CELSR3: variants seen among roughly 807,000 people sequenced by gnomAD.
CELSR3 encodes EGF-like protein 1.
Under a neutral mutation model 270.0 loss-of-function variants are expected in CELSR3, and 73 were observed. That is an observed-to-expected ratio of 0.27 (90% CI 0.22 to 0.33). The LOEUF (loss-of-function observed/expected upper bound fraction) is 0.33. Ranked by LOEUF, CELSR3 falls within the 10% of genes least tolerant of loss-of-function variation. CELSR3 has a pLI of 1.00. For synonymous variants in CELSR3, 1,780 were observed against 1,905.4 expected (o/e 0.93, Z 1.71); for missense variants, 3,614 against 4,533.8 (o/e 0.80, Z 5.83).
rs777659257 is a variant in CELSR3 at position 48,654,487 on chromosome 3, G to A, written c.4989-35C>T. Reference sequence around the variant, plus strand: ...AGGGGTCTGGGTCATTGGTGGGACTGGGGCCAGAGTAGAGTTGCTCCTGGG... The same window carrying A: ...AGGGGTCTGGGTCATTGGTGGGACTAGGGCCAGAGTAGAGTTGCTCCTGGG... On this transcript the variant is annotated intron_variant, in intron 6 of 34. Coordinates refer to ENST00000164024, the MANE Select transcript of CELSR3 (RefSeq NM_001407.3). This position sits in a 1 kb window ranked among gnomAD's most constrained non-coding sequence, Gnocchi z 5.4. The A allele has an allele frequency of 6.5e-7, 1 of 1,539,800 alleles. No individual in the cohort carries two copies. Among genetic ancestry groups the A allele is most frequent in the Non-Finnish European group, 8.8e-7 (1 of 1,140,322 alleles).
chr3:48,654,250 C>A lies in CELSR3; in HGVS notation c.5152+39G>T, dbSNP rs773268755. 1 of 1,612,352 alleles carries A rather than the reference C, an allele frequency of 6.2e-7. No homozygotes were observed. Among genetic ancestry groups the A allele is most frequent in the South Asian group, 1.1e-5 (1 of 90,806 alleles). On this transcript the variant is annotated intron_variant, in intron 7 of 34. Transcript: ENST00000164024. The surrounding 1 kb of genome is among the most constrained non-coding windows in gnomAD (Gnocchi z 5.4). ...CTCCACTTCCTCCCTATGATGGGGACAGGGCCATGGGCTAGGCTGGTGGAA... is the reference window on the plus strand; with the variant it reads ...CTCCACTTCCTCCCTATGATGGGGAAAGGGCCATGGGCTAGGCTGGTGGAA...
In CELSR3 at chr3:48,655,862, T is replaced by C. The variant is rs777128886; in HGVS notation, c.4626-11A>G. On this transcript the variant is annotated splice_polypyrimidine_tract_variant and intron_variant, in intron 3 of 34. Coordinates refer to ENST00000164024, the MANE Select transcript of CELSR3 (RefSeq NM_001407.3). This position sits in a 1 kb window ranked among gnomAD's most constrained non-coding sequence, Gnocchi z 5.8. ...TGCACTGTCGCGAACCTGGGCGGGG[T>C]GGGAGGGGGTTGCGGGGGTGGGAGC... The C allele has an allele frequency of 1.1e-4, 23 of 212,776 alleles. 1 individual carries two copies. Among genetic ancestry groups the C allele is most frequent in the Middle Eastern group, 1.0e-3 (1 of 988 alleles). 13.2% of individuals were successfully genotyped at this position (212,776 alleles called of 1,614,324 possible).
At chr3:48,638,629 C>CA (rs2046994638) in intron 34 of CELSR3, among the ~76,000 whole-genome samples, 1 of 152,098 alleles carries the variant, frequency 6.6e-6, no homozygotes, top group South Asian at 2.1e-4. Flanking sequence ...TAAGGTAAGA[C>CA]ACAGAGCTCA....
In CELSR3 at chr3:48,652,906, G is replaced by C; in HGVS notation, c.5634+96C>G. 9.9e-7 allele frequency: 1 copy of C among 1,008,954 alleles called. No homozygotes were observed. The allele number at this position is 1,008,954 out of a possible 1,614,324, so 62.5% of individuals were successfully genotyped here. On this transcript the variant is annotated intron_variant, in intron 10 of 34. Coordinates refer to ENST00000164024, the MANE Select transcript of CELSR3 (RefSeq NM_001407.3). This position sits in a 1 kb window ranked among gnomAD's most constrained non-coding sequence, Gnocchi z 4.3. ...GTAGAACATCAGACTCAGTGCAGTG[G>C]AGGGAACTGAGAGGAGCTGGACTAG...
chr3:48,638,271 G>A (rs201502823), intron 34 of CELSR3, 39 bp from the exon 35 acceptor site: 165 of 1,566,868 alleles, frequency 1.1e-4, no homozygotes, highest in Middle Eastern at 3.4e-4. Context: ...GATGCCCAGA[G>A]GACTCCGAGT....
rs745622224 is a variant in CELSR3, at chr3:48,642,477, C to A, written c.8556-10G>T. The A allele has an allele frequency of 6.2e-7, 1 of 1,610,390 alleles. No homozygotes were observed. The highest frequency in any genetic ancestry group is 1.1e-5 in the South Asian group (1 of 90,704). On this transcript the variant is annotated splice_polypyrimidine_tract_variant and intron_variant, in intron 30 of 34. Coordinates refer to ENST00000164024, the MANE Select transcript of CELSR3 (RefSeq NM_001407.3). The surrounding 1 kb of genome is among the most constrained non-coding windows in gnomAD (Gnocchi z 6.1). ...AACCAGGACATTGTCCCTGGAAAAG[C>A]AGGAGCCCCCCCACCATGAAAGAGG...
At position 48,654,269 on chromosome 3, in the gene CELSR3, G is replaced by GGTGGAAGCTT; in HGVS notation, c.5152+10_5152+19dup. ...TGGGGACAGGGCCATGGGCTAGGCT[G>GGTGGAAGCTT]GTGGAAGCTTCAGGCCTACCTGCCA... is the stretch of plus-strand genomic sequence containing the variant. On this transcript the variant is annotated intron_variant, in intron 7 of 34. Coordinates refer to ENST00000164024, the MANE Select transcript of CELSR3 (RefSeq NM_001407.3). The surrounding 1 kb of genome is among the most constrained non-coding windows in gnomAD (Gnocchi z 5.4). The GGTGGAAGCTT allele has an allele frequency of 6.2e-7, 1 of 1,613,482 alleles. No individual in the cohort carries two copies. The highest frequency in any genetic ancestry group is 8.5e-7 in the Non-Finnish European group (1 of 1,179,970).
At position 48,652,934 on chromosome 3, in the gene CELSR3, G is replaced by A. The variant is rs1192501557; in HGVS notation, c.5634+68C>T. On this transcript the variant is annotated intron_variant, in intron 10 of 34. Coordinates refer to ENST00000164024, the MANE Select transcript of CELSR3 (RefSeq NM_001407.3). This position sits in a 1 kb window ranked among gnomAD's most constrained non-coding sequence, Gnocchi z 4.3. ...GGAACTGAGAGGAGCTGGACTAGAG[G>A]TGGGGTCAAATAAGGCGGATCTGGT... 5 of 1,314,030 alleles carry A rather than the reference G, an allele frequency of 3.8e-6. No homozygotes were observed. The highest frequency in any genetic ancestry group is 1.4e-5 in the African/African-American group (1 of 69,070). 81.4% of individuals were successfully genotyped at this position (1,314,030 alleles called of 1,614,324 possible).
In CELSR3 at chr3:48,644,156, C is replaced by T; in HGVS notation, c.8165+60G>A. 6.6e-7 allele frequency: 1 copy of T among 1,512,444 alleles called. No individual in the cohort carries two copies. The highest frequency in any genetic ancestry group is 1.2e-5 in the South Asian group (1 of 86,924). The allele number at this position is 1,512,444 out of a possible 1,614,324, so 93.7% of individuals were successfully genotyped here. On this transcript the variant is annotated intron_variant, in intron 27 of 34. Transcript: ENST00000164024. This position sits in a 1 kb window ranked among gnomAD's most constrained non-coding sequence, Gnocchi z 4.8. Reference sequence around the variant, plus strand: ...CCAGGGAAGATCTGGGGGCCCCAGACCCCACCCAGGAGGGACCTGCCATCC... The same window carrying T: ...CCAGGGAAGATCTGGGGGCCCCAGATCCCACCCAGGAGGGACCTGCCATCC...
Position 48,639,580 on chromosome 3 carries a change from C to T in CELSR3, c.9911+94G>A. The T allele has an allele frequency of 1.3e-6, 2 of 1,522,014 alleles. No individual in the cohort carries two copies. The highest frequency in any genetic ancestry group is 1.8e-6 in the Non-Finnish European group (2 of 1,120,614). The allele number at this position is 1,522,014 out of a possible 1,614,324, so 94.3% of individuals were successfully genotyped here. ...GGGTAGCCCACACCTGTCTGCCAGC[C>T]CTCATCCCCTTCTGTGGCAGAACAC... On this transcript the variant is annotated intron_variant, in intron 34 of 34. Coordinates refer to ENST00000164024, the MANE Select transcript of CELSR3 (RefSeq NM_001407.3). The surrounding 1 kb of genome is among the most constrained non-coding windows in gnomAD (Gnocchi z 4.1).
At position 48,647,956 on chromosome 3, in the gene CELSR3, C is replaced by T. The variant is rs1312533905; in HGVS notation, c.7014G>A (p.Arg2338=). ...IDRMEHPSSP[R]GARRYPRYHS... ...GGTAGCGAGGGTAGCGACGGGCCCC[C>T]CGGGGAGAACTGGGGTGCTCCATGC... is the stretch of plus-strand genomic sequence containing the variant. Residue 2338 remains arginine, a synonymous_variant, in exon 20 of 35, where the codon CGG becomes CGA. Transcript: ENST00000164024. 4 of 1,612,124 alleles carry T rather than the reference C, an allele frequency of 2.5e-6. No homozygotes were observed. Among genetic ancestry groups the T allele is most frequent in the Admixed American group, 3.3e-5 (2 of 59,982 alleles).
Position 48,642,219 on chromosome 3 carries a change from G to T in CELSR3, c.8665+139C>A. The T allele has an allele frequency of 1.0e-6, 1 of 960,824 alleles. No homozygotes were observed. Among genetic ancestry groups the T allele is most frequent in the Non-Finnish European group, 1.5e-6 (1 of 660,728 alleles). The allele number at this position is 960,824 out of a possible 1,614,324, so 59.5% of individuals were successfully genotyped here. ...GACTGGGAGAACCAGGGCTGGAGAGGTAGGTGCCTCCTGAGGCAGGGACCC... is the reference window on the plus strand; with the variant it reads ...GACTGGGAGAACCAGGGCTGGAGAGTTAGGTGCCTCCTGAGGCAGGGACCC... On this transcript the variant is annotated intron_variant, in intron 31 of 34. Coordinates refer to ENST00000164024, the MANE Select transcript of CELSR3 (RefSeq NM_001407.3). The surrounding 1 kb of genome is among the most constrained non-coding windows in gnomAD (Gnocchi z 6.1).
Position 48,653,473 on chromosome 3 carries a change from AG to A in CELSR3, c.5448+145del. On this transcript the variant is annotated intron_variant, in intron 9 of 34. Coordinates refer to ENST00000164024, the MANE Select transcript of CELSR3 (RefSeq NM_001407.3). The surrounding 1 kb of genome is among the most constrained non-coding windows in gnomAD (Gnocchi z 6.5). ...GGATATAATGATGGAAAGAGAATCA[AG>A]GGCTAGGGTCCAGAGCAGGGTCAAG... is the stretch of plus-strand genomic sequence containing the variant. The A allele has an allele frequency of 1.0e-6, 1 of 960,572 alleles. No homozygotes were observed. Among genetic ancestry groups the A allele is most frequent in the Non-Finnish European group, 1.6e-6 (1 of 634,902 alleles). 59.5% of individuals were successfully genotyped at this position (960,572 alleles called of 1,614,324 possible).
rs1376253758 is a variant in CELSR3 at position 48,653,709 on chromosome 3, T to C, written c.5358A>G (p.Pro1786=). 2.5e-6 allele frequency: 4 copies of C among 1,614,068 alleles called. No homozygotes were observed. Among genetic ancestry groups the C allele is most frequent in the Admixed American group, 1.7e-5 (1 of 60,004 alleles). Residue 1786 remains proline (P), a synonymous_variant, in exon 9 of 35, where the codon CCA becomes CCG. Transcript: ENST00000164024. The surrounding 1 kb of genome is among the most constrained non-coding windows in gnomAD (Gnocchi z 6.5). ...NFGSDMAVSV[P]WYLGLAFRTR... is the part of the protein sequence containing the mutation. The stretch of plus-strand genomic sequence containing the variant: ...TCCGAAATGCCAGCCCCAGGTACCA[T>C]GGCACAGACACAGCCATGTCACTTC...
chr3:48,647,995 C>A lies in CELSR3; in HGVS notation c.6975G>T (p.Met2325Ile), dbSNP rs1378986114. 6.2e-7 allele frequency: 1 copy of A among 1,611,722 alleles called. No individual in the cohort carries two copies. The highest frequency in any genetic ancestry group is 8.5e-7 in the Non-Finnish European group (1 of 1,179,580). Residue 2325 changes from methionine to isoleucine, a missense_variant and splice_region_variant, in exon 20 of 35, where the codon ATG becomes ATT. By Grantham distance (10) the Met-to-Ile change is conservative (BLOSUM62 1). Coordinates refer to ENST00000164024, the MANE Select transcript of CELSR3 (RefSeq NM_001407.3). ...NPMGLVTPNI[M>I]LSIDRMEHPS... is the part of the protein sequence containing the mutation. Reference sequence around the variant, plus strand: ...GGTGCTCCATGCGGTCAATGCTGAGCACTACCCAGGAGAAAGAAAGGGGAG... The same window carrying A: ...GGTGCTCCATGCGGTCAATGCTGAGAACTACCCAGGAGAAAGAAAGGGGAG...
rs201289839 is a variant in CELSR3 at position 48,642,784 on chromosome 3, G to T, written c.8507C>A (p.Ser2836Tyr). Residue 2836 changes from serine to tyrosine, a missense_variant, in exon 30 of 35, where the codon TCC becomes TAC. Physicochemically the swap from Ser to Tyr is moderately radical, Grantham distance 144. This residue lies in a region of CELSR3 where 1,240 missense variants were observed against 1,351.7 expected (regional missense o/e 0.92). Transcript: ENST00000164024. The surrounding 1 kb of genome is among the most constrained non-coding windows in gnomAD (Gnocchi z 6.1). ...GCTGTCCTGGTCCTGGGTCCGGCCG[G>T]AGCGGGCACTGCTCACAGAGGAGAC... ...STVSSVSSAR[S>Y]GRTQDQDSQR... is the part of the protein sequence containing the mutation. 2.1e-5 allele frequency: 34 copies of T among 1,612,798 alleles called. No individual in the cohort carries two copies. Among genetic ancestry groups the T allele is most frequent in the Non-Finnish European group, 2.7e-5 (32 of 1,179,924 alleles).
rs1559481486 is a variant in CELSR3 at position 48,657,984 on chromosome 3, A to G, written c.3749-636T>C. Among the ~76,000 whole-genome samples, 1 of 152,014 alleles carries G rather than the reference A, an allele frequency of 6.6e-6. No homozygotes were observed. The highest frequency in any genetic ancestry group is 2.4e-5 in the African/African-American group (1 of 41,350). ...TGAACCCTGACATACACACACACAC[A>G]CACACACCAGCATTCTTGAGTTAGC... On this transcript the variant is annotated intron_variant, in intron 1 of 34. Transcript: ENST00000164024. The surrounding 1 kb of genome is among the most constrained non-coding windows in gnomAD (Gnocchi z 5.4).
rs781309148 is a variant in CELSR3, at chr3:48,645,340, C to A, written c.7797+103G>T. ...CCCAGCATCCTGCTGAAAACCCTGG[C>A]CCCAACCTGAGCATCCCTGACCTCT... On this transcript the variant is annotated intron_variant, in intron 24 of 34. Coordinates refer to ENST00000164024, the MANE Select transcript of CELSR3 (RefSeq NM_001407.3). This position sits in a 1 kb window ranked among gnomAD's most constrained non-coding sequence, Gnocchi z 5.4. 1.9e-6 allele frequency: 3 copies of A among 1,564,160 alleles called. No homozygotes were observed. Among genetic ancestry groups the A allele is most frequent in the Non-Finnish European group, 2.6e-6 (3 of 1,142,812 alleles).
In CELSR3 at chr3:48,655,275, C is replaced by T. The variant is rs371008111; in HGVS notation, c.4830+31G>A. 2.5e-6 allele frequency: 4 copies of T among 1,614,034 alleles called. No homozygotes were observed. The highest frequency in any genetic ancestry group is 3.4e-6 in the Non-Finnish European group (4 of 1,179,944). On this transcript the variant is annotated intron_variant, in intron 5 of 34. Coordinates refer to ENST00000164024, the MANE Select transcript of CELSR3 (RefSeq NM_001407.3). This position sits in a 1 kb window ranked among gnomAD's most constrained non-coding sequence, Gnocchi z 5.8. ...GAGCAGAAGTCAGCATCCCAACTCC[C>T]CTCATACCCGATGCCAGGGATGGCC...
Sources: allele counts gnomAD v4.1 joint callset (sites outside exome capture counted in the v4.1 genomes callset), GRCh38; gene constraint gnomAD v4.1.1; regional missense constraint gnomAD v4.1.1; non-coding constraint Gnocchi (gnomAD v3.1); transcripts MANE v1.5; gene names NCBI Gene and HGNC (gene_info 2026-07-23, HGNC 2026-07-21).